Variants in AMPH observed in about 807,000 individuals in gnomAD.
AMPH encodes the protein amphiphysin.
AMPH carries 49 observed loss-of-function variants against 99.1 expected under a neutral mutation model. The ratio of observed to expected loss-of-function variants is 0.49; its 90% CI spans 0.39 to 0.63. The LOEUF (loss-of-function observed/expected upper bound fraction) is 0.63, where lower values mean the gene tolerates loss of function less well. AMPH is among the 20% of genes least tolerant of loss of function. AMPH has a pLI of 0.00. For synonymous variants in AMPH, 314 were observed against 317.3 expected (o/e 0.99, Z 0.11); for missense variants, 759 against 863.4 (o/e 0.88, Z 1.52).
rs1265702684 is a variant in AMPH, at chr7:38,386,150, AC to A, written c.1981-1226del. Among the ~76,000 whole-genome samples, 16 of 152,342 alleles carry A rather than the reference AC, an allele frequency of 1.1e-4. No individual in the cohort carries two copies. The East Asian group carries it at 2.9e-3, about 28-fold the overall frequency. On this transcript the variant is annotated intron_variant, in intron 20 of 20. Transcript: ENST00000356264. ...AGGAAAAAAACCGCTGAGGAAAAAAACGACTCAATAAAATAACTGATAATAT... is the reference window on the plus strand; with the variant it reads ...AGGAAAAAAACCGCTGAGGAAAAAAAGACTCAATAAAATAACTGATAATAT...
intron 2 of AMPH, among the ~76,000 whole-genome samples, chr7:38,525,273 T>G (rs1382352562): frequency 5.8e-4 from 48 of 83,330 alleles, no homozygotes; most frequent in East Asian, 7.5e-4. Flanking sequence ...TATATATATA[T>G]ATATAGAGAG....
intron 7 of AMPH, among the ~76,000 whole-genome samples, chr7:38,470,600 T>C (rs547332262): frequency 6.6e-6 from 1 of 152,274 alleles, no homozygotes; most frequent in South Asian, 2.1e-4. Context: ...CCATAAAATA[T>C]TAGTGCTCTC....
chr7:38,479,517 C>T (rs1008761142), intron 5 of AMPH, among the ~76,000 whole-genome samples: 2 of 151,868 alleles, frequency 1.3e-5, no homozygotes, highest in Non-Finnish European at 2.9e-5. Flanking sequence ...CTTTTAATTG[C>T]TTGAAAAGGT....
At chr7:38,433,157 T>C (rs1327594421) in intron 12 of AMPH, among the ~76,000 whole-genome samples, 2 of 152,198 alleles carry the variant, frequency 1.3e-5, no homozygotes, top group East Asian at 1.9e-4. Flanking sequence ...TCGGTTGAGA[T>C]TGCAGAGGCC....
At chr7:38,396,615 A>G (rs1312560842) in intron 17 of AMPH, among the ~76,000 whole-genome samples, 1 of 152,252 alleles carries the variant, frequency 6.6e-6, no homozygotes, top group Non-Finnish European at 1.5e-5. Flanking sequence ...GAAGTGGGGT[A>G]ACAAGTACAT....
chr7:38,422,630 T>C (rs117697314), intron 15 of AMPH, among the ~76,000 whole-genome samples, 153 bp from the exon 16 acceptor site: 1 of 151,944 alleles, frequency 6.6e-6, no homozygotes, highest in East Asian at 1.9e-4. Context: ...TCTATCTATC[T>C]AATTTTTTTT....
rs1055886922 is a variant in AMPH at position 38,404,887 on chromosome 7, A to G, written c.1399-10673T>C. On this transcript the variant is annotated intron_variant, in intron 17 of 20. Coordinates refer to ENST00000356264, the MANE Select transcript of AMPH (RefSeq NM_001635.4). ...CTGGGAGGTACTATATGAGATTAAC[A>G]TCATCAAGAAATATAATCAACAGAG... is the stretch of plus-strand genomic sequence containing the variant. Among the ~76,000 whole-genome samples the G allele has an allele frequency of 5.9e-5, 9 of 152,206 alleles. 1 individual carries two copies. The highest frequency in any genetic ancestry group is 2.2e-4 in the African/African-American group (9 of 41,450).
chr7:38,585,526 G>A (rs1792613435), intron 1 of AMPH, among the ~76,000 whole-genome samples: 1 of 152,176 alleles, frequency 6.6e-6, no homozygotes, highest in African/African-American at 2.4e-5. Flanking sequence ...GACGACACAA[G>A]CCTGGCTTAA....
intron 5 of AMPH, among the ~76,000 whole-genome samples, chr7:38,483,365 C>G (rs971997919): frequency 6.6e-6 from 1 of 152,124 alleles, no homozygotes; most frequent in African/African-American, 2.4e-5. Context: ...GCCTACCATA[C>G]AACTAGTTGC....
intron 1 of AMPH, among the ~76,000 whole-genome samples, chr7:38,572,970 A>G (rs910503126): frequency 2.0e-5 from 3 of 152,142 alleles, no homozygotes; most frequent in Admixed American, 2.0e-4. Context: ...GCCTTACTGT[A>G]CCCTGCCTTG....
At chr7:38,526,229 C>T (rs1399240709) in intron 2 of AMPH, among the ~76,000 whole-genome samples, 3 of 151,604 alleles carry the variant, frequency 2.0e-5, no homozygotes, top group African/African-American at 7.3e-5. Flanking sequence ...TCTTTGCCAT[C>T]CACATATCTA....
intron 18 of AMPH, chr7:38,392,689 A>C (rs949570572): frequency 6.5e-6 from 1 of 153,012 alleles, no homozygotes; most frequent in Admixed American, 6.5e-5. Context: ...CCAGCCCCGC[A>C]GGCCAGCCTG....
intron 17 of AMPH, among the ~76,000 whole-genome samples, chr7:38,398,563 A>AG (rs1261156641): frequency 6.6e-6 from 1 of 152,168 alleles, no homozygotes; most frequent in African/African-American, 2.4e-5. Context: ...GTGAGGAAGT[A>AG]GGGGGGATGG....
intron 1 of AMPH, among the ~76,000 whole-genome samples, chr7:38,624,229 C>T (rs533041418): frequency 5.5e-4 from 83 of 151,970 alleles, no homozygotes; most frequent in Non-Finnish European, 9.7e-4. Flanking sequence ...CCTCAAGTAC[C>T]TACAATTTAG....
At position 38,418,032 on chromosome 7, in the gene AMPH, AT is replaced by A; in HGVS notation, c.1273-83del. ...CATTACAGAATACTGGACAATTAAGATTTTCTTTGTCATCCCATAGGCAACT... is the reference window on the plus strand; with the variant it reads ...CATTACAGAATACTGGACAATTAAGATTTCTTTGTCATCCCATAGGCAACT... On this transcript the variant is annotated intron_variant, in intron 16 of 20. Coordinates refer to ENST00000356264, the MANE Select transcript of AMPH (RefSeq NM_001635.4). The A allele has an allele frequency of 6.2e-6, 9 of 1,457,598 alleles. 1 individual carries two copies. In the South Asian group the frequency reaches 1.3e-4, roughly 21 times the overall value. The allele number at this position is 1,457,598 out of a possible 1,614,324, so 90.3% of individuals were successfully genotyped here. A position where few individuals can be genotyped will look rare whatever the true frequency, so the allele number is the denominator to read the frequency against.
intron 1 of AMPH, among the ~76,000 whole-genome samples, chr7:38,563,008 G>A (rs1413959269): frequency 6.6e-6 from 1 of 152,170 alleles, no homozygotes; most frequent in Non-Finnish European, 1.5e-5. Context: ...ACCCAGTTGG[G>A]AAACCAATTG....
intron 1 of AMPH, among the ~76,000 whole-genome samples, chr7:38,596,032 T>C (rs1239413829): frequency 6.6e-6 from 1 of 152,152 alleles, no homozygotes; most frequent in Non-Finnish European, 1.5e-5. Flanking sequence ...TATGGGTGCA[T>C]GTGTCTTTTT....
At chr7:38,526,331 A>G (rs1169454293) in intron 2 of AMPH, among the ~76,000 whole-genome samples, 1 of 148,522 alleles carries the variant, frequency 6.7e-6, no homozygotes, top group Non-Finnish European at 1.5e-5. Flanking sequence ...CTGCAGTGGC[A>G]TCATCTCAGC....
chr7:38,606,096 G>A (rs1382573405), intron 1 of AMPH, among the ~76,000 whole-genome samples: 2 of 152,160 alleles, frequency 1.3e-5, no homozygotes, highest in African/African-American at 4.8e-5. Flanking sequence ...GGAGAGCTGG[G>A]ACTCAAACCT....
Sources: allele counts gnomAD v4.1 joint callset (sites outside exome capture counted in the v4.1 genomes callset), GRCh38; gene constraint gnomAD v4.1.1; transcripts MANE v1.5; gene names NCBI Gene and HGNC (gene_info 2026-07-23, HGNC 2026-07-21).